CNTN5: variants seen among roughly 807,000 people sequenced by gnomAD.
The protein encoded by CNTN5 is contactin 5, also known as contactin-5.
CNTN5 carries 77 observed loss-of-function variants against 129.1 expected under a neutral mutation model. The observed-to-expected ratio is 0.60, with a 90% CI of 0.50 to 0.72. CNTN5 has a LOEUF of 0.72. CNTN5 is among the 30% of genes least tolerant of loss of function. The pLI is 0.00. For synonymous variants in CNTN5, 509 were observed against 465.6 expected, an observed-to-expected ratio of 1.09 and a Z score of -1.20; for missense variants, 1,478 against 1,328.8, an observed-to-expected ratio of 1.11 and a Z score of -1.75.
At chr11:99,538,304 G>A (rs1273490371) in intron 2 of CNTN5, among the ~76,000 whole-genome samples, 1 of 152,022 alleles carries the variant, frequency 6.6e-6, no homozygotes, top group East Asian at 1.9e-4. Context: ...TATTTACAGT[G>A]GTTTATTTAG....
chr11:99,866,272 G>A (rs1948353243), intron 6 of CNTN5, among the ~76,000 whole-genome samples: 1 of 152,128 alleles, frequency 6.6e-6, no homozygotes, highest in African/African-American at 2.4e-5. Context: ...ACACAACTCA[G>A]TAGTTATTTT....
intron 3 of CNTN5, among the ~76,000 whole-genome samples, chr11:99,725,987 G>C (rs1943323448): frequency 6.6e-6 from 1 of 152,134 alleles, no homozygotes; most frequent in Admixed American, 6.5e-5. Context: ...TTAGAATATT[G>C]TCATGCAAGT....
rs370112097 is a variant in CNTN5, at chr11:99,753,691, C to CTT, written c.56-65839_56-65838dup. Among the ~76,000 whole-genome samples, 121 of 113,362 alleles carry CTT rather than the reference C, an allele frequency of 1.1e-3. 1 individual carries two copies. The highest frequency in any genetic ancestry group is 1.5e-3 in the Non-Finnish European group (90 of 58,894). 74.4% of individuals were successfully genotyped at this position (113,362 alleles called of 152,430 possible). On this transcript the variant is annotated intron_variant, in intron 3 of 24. Transcript: ENST00000524871. Reference sequence around the variant, plus strand: ...AAAACAGGTAAAAAGAAATCACTTCCTTTTTTTTTTTTTTTGAGACAGAGT... The same window carrying CTT: ...AAAACAGGTAAAAAGAAATCACTTCCTTTTTTTTTTTTTTTTTGAGACAGAGT...
chr11:99,269,735 A>C lies in CNTN5; in HGVS notation c.-209-55611A>C, dbSNP rs75269807. On this transcript the variant is annotated intron_variant, in intron 1 of 24. Coordinates refer to ENST00000524871, the MANE Select transcript of CNTN5 (RefSeq NM_014361.4). ...TAAGATAATTGAAAATATTTCAGAT[A>C]AGTCATCTATAATATTATAAACTTA... is the stretch of plus-strand genomic sequence containing the variant. Among the ~76,000 whole-genome samples, 149 of 148,350 alleles carry C rather than the reference A, an allele frequency of 1.0e-3. 2 individuals carry two copies. The highest frequency in any genetic ancestry group is 3.8e-3 in the African/African-American group (145 of 38,032).
chr11:100,324,576 A>G (rs1185710585), intron 21 of CNTN5, among the ~76,000 whole-genome samples: 1 of 152,156 alleles, frequency 6.6e-6, no homozygotes, highest in Admixed American at 6.5e-5. Flanking sequence ...AATTTTTTCT[A>G]TTCAATATTC....
intron 13 of CNTN5, among the ~76,000 whole-genome samples, chr11:100,087,528 T>C (rs183857903): frequency 2.5e-4 from 38 of 151,920 alleles, no homozygotes; most frequent in African/African-American, 8.7e-4. Context: ...ATCACCCTCA[T>C]GAACATAGAT....
At chr11:99,784,862 C>T (rs35093663) in intron 3 of CNTN5, among the ~76,000 whole-genome samples, 46 of 142,774 alleles carry the variant, frequency 3.2e-4, no homozygotes, top group African/African-American at 7.6e-4. Context: ...TACAGTGACG[C>T]GATCTCGACT....
rs12789487 is a variant in CNTN5 at position 99,927,403 on chromosome 11, T to C, written c.673+11254T>C. On this transcript the variant is annotated intron_variant, in intron 7 of 24. Coordinates refer to ENST00000524871, the MANE Select transcript of CNTN5 (RefSeq NM_014361.4). The stretch of plus-strand genomic sequence containing the variant: ...GTCCTTACACATTCAGTATATTGTA[T>C]TGTATTAGTGCATTATCCCGCTGCT... Among the ~76,000 whole-genome samples the C allele has an allele frequency of 3.7e-3, 559 of 152,254 alleles. 4 individuals are homozygous for C. The highest frequency in any genetic ancestry group is 0.013 in the African/African-American group (526 of 41,550).
intron 6 of CNTN5, among the ~76,000 whole-genome samples, chr11:99,899,394 G>T (rs1257533597): frequency 6.6e-6 from 1 of 151,916 alleles, no homozygotes; most frequent in Non-Finnish European, 1.5e-5. Context: ...TTTGAAGTAT[G>T]TTCCATCTAT....
At chr11:99,844,753 G>A (rs1430071005) in intron 4 of CNTN5, 99 bp from the exon 5 acceptor site, 1 of 1,189,450 alleles carries the variant, frequency 8.4e-7, no homozygotes, top group Non-Finnish European at 1.2e-6. Context: ...TACAAGAAAA[G>A]AGCAAGAATT....
chr11:99,243,130 C>T (rs1861644771), intron 1 of CNTN5, among the ~76,000 whole-genome samples: 2 of 152,114 alleles, frequency 1.3e-5, no homozygotes, highest in African/African-American at 2.4e-5. Flanking sequence ...TTTGCAGGCT[C>T]ACAAGCATTT....
At chr11:99,949,123 G>A (rs776452604) in intron 7 of CNTN5, among the ~76,000 whole-genome samples, 3 of 151,912 alleles carry the variant, frequency 2.0e-5, no homozygotes, top group Non-Finnish European at 4.4e-5. Context: ...ATCTTACCTC[G>A]CTTCTCTTAG....
chr11:99,844,530 T>C (rs550298360), intron 4 of CNTN5: 4 of 345,524 alleles, frequency 1.2e-5, no homozygotes, highest in African/African-American at 4.5e-5. Flanking sequence ...TTTTAAGATA[T>C]TGTTTATGCT....
intron 13 of CNTN5, among the ~76,000 whole-genome samples, chr11:100,155,446 C>T (rs545603242): frequency 4.0e-5 from 6 of 151,848 alleles, no homozygotes; most frequent in African/African-American, 7.2e-5. Context: ...GTTTGAAGTC[C>T]GAGAGCATGA....
At chr11:99,212,444 A>G (rs2135673301) in intron 1 of CNTN5, among the ~76,000 whole-genome samples, 1 of 152,088 alleles carries the variant, frequency 6.6e-6, no homozygotes, top group South Asian at 2.1e-4. Flanking sequence ...TAATACCTAC[A>G]CTTTCCTTGC....
intron 7 of CNTN5, among the ~76,000 whole-genome samples, chr11:99,949,509 A>T (rs1237724553): frequency 1.3e-5 from 2 of 152,156 alleles, no homozygotes; most frequent in Non-Finnish European, 2.9e-5. Context: ...CCTGGAGTGA[A>T]TGCTTTTTAA....
intron 3 of CNTN5, among the ~76,000 whole-genome samples, chr11:99,794,198 T>C (rs1202960667): frequency 1.3e-5 from 2 of 151,136 alleles, no homozygotes; most frequent in African/African-American, 4.9e-5. Flanking sequence ...TTTTTTTTAA[T>C]CTTCGTAGGC....
chr11:99,974,737 TTATC>T lies in CNTN5; in HGVS notation c.877+17733_877+17736del, dbSNP rs201375391. 5.5e-3 allele frequency among the ~76,000 whole-genome samples: 835 copies of T among 152,312 alleles called. 7 individuals carry two copies. The highest frequency in any genetic ancestry group is 0.014 in the Middle Eastern group (4 of 294). On this transcript the variant is annotated intron_variant, in intron 8 of 24. Transcript: ENST00000524871. ...CATAGTGTGTTAATTATCTGTCAAA[TTATC>T]TATCAAGAGAATGCAGAGACTAATT... is the stretch of plus-strand genomic sequence containing the variant.
intron 21 of CNTN5, among the ~76,000 whole-genome samples, chr11:100,318,189 C>G (rs1951606990): frequency 7.1e-6 from 1 of 141,268 alleles, no homozygotes; most frequent in South Asian, 2.2e-4. Context: ...TGCAGTGAGC[C>G]GAGATCGCGC....
Sources: allele counts gnomAD v4.1 joint callset (sites outside exome capture counted in the v4.1 genomes callset), GRCh38; gene constraint gnomAD v4.1.1; transcripts MANE v1.5; gene names NCBI Gene and HGNC (gene_info 2026-07-23, HGNC 2026-07-21).